COL5A2: variants seen among roughly 807,000 people sequenced by gnomAD.
COL5A2 encodes the protein collagen type V alpha 2 chain, also known as collagen alpha-2(V) chain.
COL5A2 carries 23 observed loss-of-function variants against 208.2 expected under a neutral mutation model. That is an observed-to-expected ratio of 0.11 (90% confidence interval 0.08 to 0.16). The LOEUF is 0.16. Ranked by LOEUF, COL5A2 falls within the 10% of genes least tolerant of loss-of-function variation. COL5A2 has a pLI of 1.00. For synonymous variants in COL5A2, 625 were observed against 628.5 expected (o/e 0.99, Z 0.08); for missense variants, 1,590 against 1,956.4 (o/e 0.81, Z 3.53).
intron 1 of COL5A2, among the ~76,000 whole-genome samples, chr2:189,222,982 A>G (rs893258572): frequency 6.6e-5 from 10 of 152,314 alleles, no homozygotes; most frequent in African/African-American, 2.2e-4. Context: ...CCAGGAGTAT[A>G]TTAGAATAAT....
At chr2:189,143,979 G>T (rs772478406) in intron 1 of COL5A2, among the ~76,000 whole-genome samples, 4 of 152,120 alleles carry the variant, frequency 2.6e-5, no homozygotes, top group Non-Finnish European at 5.9e-5. Flanking sequence ...TTAATATATT[G>T]AGATCGCCAG....
intron 45 of COL5A2, among the ~76,000 whole-genome samples, chr2:189,047,131 A>AG (rs1685687137): frequency 6.6e-6 from 1 of 152,124 alleles, no homozygotes; most frequent in African/African-American, 2.4e-5. Context: ...AAAAAAAAAA[A>AG]AAAAAATACT....
intron 1 of COL5A2, among the ~76,000 whole-genome samples, chr2:189,193,536 G>A (rs1040110308): frequency 6.6e-6 from 1 of 152,178 alleles, no homozygotes; most frequent in Non-Finnish European, 1.5e-5. Context: ...TTCTGAAATT[G>A]CAAAGGACTT....
chr2:189,302,717 T>C, the COL5A2 span, among the ~76,000 whole-genome samples: 82 of 152,288 alleles, frequency 5.4e-4, no homozygotes, highest in East Asian at 9.1e-3. Context: ...TCTTGAACTG[T>C]CCTGCTTCAT....
At chr2:189,249,030 T>C in the COL5A2 span, among the ~76,000 whole-genome samples, 1 of 152,164 alleles carries the variant, frequency 6.6e-6, no homozygotes, top group Non-Finnish European at 1.5e-5. Context: ...AAATTATTTG[T>C]AACAAGATTA....
chr2:189,417,219 A>G, the COL5A2 span, among the ~76,000 whole-genome samples: 1 of 152,058 alleles, frequency 6.6e-6, no homozygotes, highest in African/African-American at 2.4e-5. Flanking sequence ...GTCTATTTTT[A>G]TTTTATTGCA....
intron 9 of COL5A2, 23 bp downstream of exon 9, chr2:189,086,703 T>G (rs1041181929): frequency 1.3e-6 from 2 of 1,550,730 alleles, no homozygotes; most frequent in African/African-American, 2.7e-5. Flanking sequence ...TTACAGCATG[T>G]AATTAATTAT....
At position 189,063,693 on chromosome 2, in the gene COL5A2, C is replaced by T. The variant is rs73978820; in HGVS notation, c.1770+287G>A. ...GAAGGATATAAAAATGAGAACATTG[C>T]TAATAGACAAATTTCACCAACATTA... is the stretch of plus-strand genomic sequence containing the variant. On this transcript the variant is annotated intron_variant, in intron 26 of 53. Coordinates refer to ENST00000374866, the MANE Select transcript of COL5A2 (RefSeq NM_000393.5). Among the ~76,000 whole-genome samples the T allele has an allele frequency of 0.018, 2,675 of 152,202 alleles. 24 individuals carry two copies. Among genetic ancestry groups the T allele is most frequent in the Non-Finnish European group, 0.02 (1,375 of 67,986 alleles).
intron 2 of COL5A2, among the ~76,000 whole-genome samples, chr2:189,105,903 A>G (rs955639734): frequency 6.6e-6 from 1 of 151,450 alleles, no homozygotes; most frequent in Non-Finnish European, 1.5e-5. Flanking sequence ...GGTTTATGAA[A>G]TAATTCTTCT....
the COL5A2 span, among the ~76,000 whole-genome samples, chr2:189,425,642 C>G: frequency 6.6e-6 from 1 of 152,218 alleles, no homozygotes. Flanking sequence ...CTGTCCCCAC[C>G]CCAATCTTAT....
upstream of COL5A2, among the ~76,000 whole-genome samples, chr2:189,180,880 C>T (rs1688770059): frequency 6.6e-6 from 1 of 152,136 alleles, no homozygotes; most frequent in Admixed American, 6.5e-5. Context: ...ATGTATTTGC[C>T]ACCTTGAGTC....
the COL5A2 span, among the ~76,000 whole-genome samples, chr2:189,238,810 A>G: frequency 6.6e-6 from 1 of 152,072 alleles, no homozygotes; most frequent in Non-Finnish European, 1.5e-5. Flanking sequence ...CACATGATCC[A>G]ACTACTCTCC....
At chr2:189,426,612 C>T in the COL5A2 span, among the ~76,000 whole-genome samples, 2 of 152,250 alleles carry the variant, frequency 1.3e-5, 1 homozygote, top group South Asian at 4.1e-4. Context: ...GCGTCATGAG[C>T]ATGTGTCCTC....
chr2:189,344,120 C>G, the COL5A2 span, among the ~76,000 whole-genome samples: 2 of 152,114 alleles, frequency 1.3e-5, no homozygotes, highest in Admixed American at 1.3e-4. Flanking sequence ...AATGTGTATA[C>G]ACACACATAA....
chr2:189,206,235 G>A (rs1484221562), intron 1 of COL5A2, among the ~76,000 whole-genome samples: 5 of 152,136 alleles, frequency 3.3e-5, no homozygotes, highest in Non-Finnish European at 7.3e-5. Context: ...AATGGCAAGA[G>A]CAAGAACAGC....
At chr2:189,266,567 C>T in the COL5A2 span, among the ~76,000 whole-genome samples, 1 of 151,886 alleles carries the variant, frequency 6.6e-6, no homozygotes, top group Admixed American at 6.6e-5. Context: ...CCAAAATAGG[C>T]AAATATCTAG....
the COL5A2 span, among the ~76,000 whole-genome samples, chr2:189,292,939 T>C: frequency 1.3e-5 from 2 of 152,076 alleles, no homozygotes; most frequent in Non-Finnish European, 2.9e-5. Flanking sequence ...AAATGATGAG[T>C]TCATGTCCTT....
chr2:189,257,646 G>A, the COL5A2 span, among the ~76,000 whole-genome samples: 648 of 152,146 alleles, frequency 4.3e-3, 7 homozygotes, highest in East Asian at 0.029. Flanking sequence ...CAGGGAAATG[G>A]GCCAGATCTT....
rs140572810 is a variant in COL5A2, at chr2:189,171,661, T to C, written c.97+7847A>G. ...CTTGAAGGGAAGCCAATAAATTAAG[T>C]TTTGGATACACTGAATTTCATGTGG... is the stretch of plus-strand genomic sequence containing the variant. On this transcript the variant is annotated intron_variant, in intron 1 of 53. Coordinates refer to ENST00000374866, the MANE Select transcript of COL5A2 (RefSeq NM_000393.5). Among the ~76,000 whole-genome samples, 436 of 152,300 alleles carry C rather than the reference T, an allele frequency of 2.9e-3. 7 individuals are homozygous for C. Among genetic ancestry groups the C allele is most frequent in the Non-Finnish European group, 1.8e-3 (125 of 68,022 alleles).
Sources: allele counts gnomAD v4.1 joint callset (sites outside exome capture counted in the v4.1 genomes callset), GRCh38; gene constraint gnomAD v4.1.1; transcripts MANE v1.5; gene names NCBI Gene and HGNC (gene_info 2026-07-23, HGNC 2026-07-21).